The following CADPS variants were observed in gnomAD, a reference collection of about 807,000 sequenced individuals.
CADPS encodes calcium-dependent secretion activator 1.
CADPS carries 57 observed loss-of-function variants against 167.3 expected under a neutral mutation model. The observed-to-expected ratio is 0.34, with a 90% CI of 0.28 to 0.42. The LOEUF is 0.42. Among genes scored for constraint, CADPS ranks in the 20% least tolerant of loss-of-function variants. The pLI is 1.00. For missense variants in CADPS, 1,414 were observed against 1,738.1 expected, an observed-to-expected ratio of 0.81 and a Z score of 3.32; for synonymous variants, 676 against 635.3, an observed-to-expected ratio of 1.06 and a Z score of -0.96.
At chr3:62,741,822 G>A (rs1213300536) in intron 3 of CADPS, among the ~76,000 whole-genome samples, 1 of 152,178 alleles carries the variant, frequency 6.6e-6, no homozygotes, top group Non-Finnish European at 1.5e-5. Flanking sequence ...TAGGAAGAGA[G>A]GAAGTCAAAC....
At chr3:62,682,247 T>C (rs2077260444) in intron 3 of CADPS, among the ~76,000 whole-genome samples, 1 of 151,948 alleles carries the variant, frequency 6.6e-6, no homozygotes, top group South Asian at 2.1e-4. Flanking sequence ...AAATTAAGGA[T>C]AAGTGCAGGA....
intron 3 of CADPS, among the ~76,000 whole-genome samples, chr3:62,695,560 A>G (rs1379700431): frequency 6.6e-6 from 1 of 152,078 alleles, no homozygotes; most frequent in South Asian, 2.1e-4. Context: ...AATTTCAGCT[A>G]TGATACATAA....
At chr3:62,505,279 G>T (rs1345586114) in intron 17 of CADPS, among the ~76,000 whole-genome samples, 1 of 152,148 alleles carries the variant, frequency 6.6e-6, no homozygotes, top group Non-Finnish European at 1.5e-5. Context: ...CCTTTCAAAA[G>T]GTTCCAGCTC....
At chr3:62,708,341 G>A (rs992522024) in intron 3 of CADPS, among the ~76,000 whole-genome samples, 10 of 152,048 alleles carry the variant, frequency 6.6e-5, no homozygotes, top group African/African-American at 1.9e-4. Context: ...ATATAGTACT[G>A]TTGATGTATA....
intron 19 of CADPS, 108 bp downstream of exon 19, chr3:62,493,537 G>A (rs979640424): frequency 2.5e-6 from 2 of 800,384 alleles, no homozygotes; most frequent in Admixed American, 5.5e-5. Flanking sequence ...TTGTTCAATG[G>A]CCAAGCTCTT....
chr3:62,649,103 A>G (rs1298242041), intron 5 of CADPS, among the ~76,000 whole-genome samples: 1 of 152,204 alleles, frequency 6.6e-6, no homozygotes, highest in African/African-American at 2.4e-5. Context: ...ACATATTCTA[A>G]TCAACTGCAC....
chr3:62,812,243 G>A (rs2094425715), intron 1 of CADPS, among the ~76,000 whole-genome samples: 1 of 152,102 alleles, frequency 6.6e-6, no homozygotes, highest in Non-Finnish European at 1.5e-5. Flanking sequence ...ATACTTTCCT[G>A]CATGTGTACA....
At chr3:62,535,405 A>C (rs956355826) in intron 12 of CADPS, among the ~76,000 whole-genome samples, 1 of 151,758 alleles carries the variant, frequency 6.6e-6, no homozygotes, top group South Asian at 2.1e-4. Context: ...TATTTTATCT[A>C]CAATTTTTTA....
At chr3:62,643,832 A>T (rs2150027053) in intron 6 of CADPS, among the ~76,000 whole-genome samples, 1 of 152,342 alleles carries the variant, frequency 6.6e-6, no homozygotes, top group South Asian at 2.1e-4. Context: ...CACACATTTT[A>T]AAAAAGCACA....
chr3:62,523,237 T>C (rs1362481029), intron 13 of CADPS, among the ~76,000 whole-genome samples: 1 of 152,162 alleles, frequency 6.6e-6, no homozygotes, highest in Admixed American at 6.5e-5. Flanking sequence ...TGCCCAACCT[T>C]TGAGTGACTA....
At chr3:62,672,724 A>C (rs1040968265) in intron 3 of CADPS, among the ~76,000 whole-genome samples, 2 of 152,134 alleles carry the variant, frequency 1.3e-5, no homozygotes, top group Non-Finnish European at 2.9e-5. Flanking sequence ...CCTGGGCTGA[A>C]GTGATTCTTC....
intron 8 of CADPS, among the ~76,000 whole-genome samples, chr3:62,577,962 C>T (rs573097907): frequency 4.6e-5 from 7 of 152,094 alleles, no homozygotes; most frequent in African/African-American, 1.7e-4. Flanking sequence ...ATAGGACAAA[C>T]AGAAAATAAA....
At chr3:62,505,889 C>T (rs1458820706) in intron 17 of CADPS, among the ~76,000 whole-genome samples, 3 of 152,150 alleles carry the variant, frequency 2.0e-5, no homozygotes, top group Admixed American at 6.6e-5. Context: ...AGGGAATTCT[C>T]AGTGGATCCT....
chr3:62,792,462 C>G (rs1484694813), intron 1 of CADPS, among the ~76,000 whole-genome samples: 1 of 152,030 alleles, frequency 6.6e-6, no homozygotes, highest in African/African-American at 2.4e-5. Flanking sequence ...CCTCAGCCTC[C>G]CACAGTGTTG....
chr3:62,793,137 C>G (rs2093094689), intron 1 of CADPS, among the ~76,000 whole-genome samples: 1 of 152,174 alleles, frequency 6.6e-6, no homozygotes. Context: ...CAAATTAGTA[C>G]TACCCCTACT....
intron 6 of CADPS, among the ~76,000 whole-genome samples, chr3:62,624,115 A>G (rs1579043961): frequency 6.6e-6 from 1 of 152,290 alleles, no homozygotes; most frequent in East Asian, 1.9e-4. Flanking sequence ...GCCCCCTGGA[A>G]CCAAGAATTA....
At chr3:62,560,975 A>AGGC (rs1371631151) in intron 9 of CADPS, among the ~76,000 whole-genome samples, 3 of 146,944 alleles carry the variant, frequency 2.0e-5, no homozygotes, top group Non-Finnish European at 3.0e-5. Flanking sequence ...GCTACTCCGG[A>AGGC]GGCTGAGGCA....
intron 28 of CADPS, among the ~76,000 whole-genome samples, chr3:62,413,149 C>A (rs1258143885): frequency 1.3e-5 from 2 of 152,146 alleles, no homozygotes; most frequent in South Asian, 2.1e-4. Context: ...GATGGGAAAG[C>A]AGAGGCACTG....
At chr3:62,843,671 C>A (rs1323868954) in intron 1 of CADPS, among the ~76,000 whole-genome samples, 1 of 152,120 alleles carries the variant, frequency 6.6e-6, no homozygotes, top group Non-Finnish European at 1.5e-5. Flanking sequence ...AAGCTCCAGC[C>A]AGTCAGTCCT....
Sources: allele counts gnomAD v4.1 joint callset (sites outside exome capture counted in the v4.1 genomes callset), GRCh38; gene constraint gnomAD v4.1.1; transcripts MANE v1.5; gene names NCBI Gene and HGNC (gene_info 2026-07-23, HGNC 2026-07-21).